Variants in ACAD11 observed in about 807,000 individuals in gnomAD.
The protein encoded by ACAD11 is acyl-Coenzyme A dehydrogenase family, member 11.
A neutral mutation model predicts 102.2 loss-of-function variants in ACAD11; 83 were observed. The observed-to-expected ratio is 0.81, with a 90% CI of 0.68 to 0.97. The LOEUF is 0.97. Ranked by LOEUF, ACAD11 falls within the 50% of genes least tolerant of loss-of-function variation. The pLI is 0.00. For synonymous variants in ACAD11, 324 were observed against 319.8 expected, an observed-to-expected ratio of 1.01 and a Z score of -0.14; for missense variants, 901 against 951.7, an observed-to-expected ratio of 0.95 and a Z score of 0.70.
chr3:132,619,471 G>T lies in ACAD11; in HGVS notation c.1272C>A (p.Leu424=). Reference sequence around the variant, plus strand: ...CTAGCGTTAAAGATTTTCTTACCTTGAGTTTATCAATCACTAAAGGTTTTC... The same window carrying T: ...CTAGCGTTAAAGATTTTCTTACCTTTAGTTTATCAATCACTAAAGGTTTTC... The part of the protein sequence containing the change: ...KWGKPLVIDK[L]KEMAKVEGLW... Residue 424 remains leucine (L), a synonymous_variant, in exon 10 of 20, where the codon CTC becomes CTA. Transcript: ENST00000264990. 1.3e-6 allele frequency: 2 copies of T among 1,575,998 alleles called. No individual in the cohort carries two copies. Among genetic ancestry groups the T allele is most frequent in the South Asian group, 1.2e-5 (1 of 83,582 alleles).
chr3:132,643,611 G>C (rs1189984180), intron 2 of ACAD11, among the ~76,000 whole-genome samples: 2 of 152,124 alleles, frequency 1.3e-5, no homozygotes, highest in African/African-American at 4.8e-5. Context: ...AAGTAAAGCA[G>C]GGGCTGTGGC....
At chr3:132,588,774 A>G (rs980028427) in intron 13 of ACAD11, among the ~76,000 whole-genome samples, 1 of 150,198 alleles carries the variant, frequency 6.7e-6, no homozygotes, top group African/African-American at 2.5e-5. Context: ...CTTAAATGTC[A>G]TATTCTTCAC....
rs1936960820 is a variant in ACAD11, at chr3:132,558,860, A to C, written c.*111T>G. ...GCTATAATCTTTACCACAAATGAAT[A>C]ATTAACCCTGTGCTCAAACTGCTAC... is the stretch of plus-strand genomic sequence containing the variant. On this transcript the variant is annotated 3_prime_UTR_variant, in exon 20 of 20. Transcript: ENST00000264990. The C allele has an allele frequency of 2.7e-6, 2 of 743,944 alleles. No individual in the cohort carries two copies. The highest frequency in any genetic ancestry group is 4.5e-6 in the Non-Finnish European group (2 of 445,308). The allele number at this position is 743,944 out of a possible 1,614,324, so 46.1% of individuals were successfully genotyped here.
chr3:132,596,776 T>C (rs1938327221), intron 13 of ACAD11, among the ~76,000 whole-genome samples: 1 of 152,188 alleles, frequency 6.6e-6, no homozygotes, highest in Non-Finnish European at 1.5e-5. Flanking sequence ...AGGAAGACTC[T>C]AGTAGTTTAA....
intron 11 of ACAD11, 25 bp downstream of exon 11, chr3:132,618,609 T>A (rs771999751): frequency 1.4e-5 from 22 of 1,521,120 alleles, no homozygotes; most frequent in South Asian, 4.0e-5. Flanking sequence ...TTAGAAAAAA[T>A]TATGTTTTCA....
chr3:132,619,340 T>C (rs1351243564), intron 10 of ACAD11, 128 bp downstream of exon 10: 7 of 562,730 alleles, frequency 1.2e-5, no homozygotes, highest in Non-Finnish European at 2.1e-5. Flanking sequence ...TTATTAACTT[T>C]CTTTTTTTAA....
chr3:132,609,207 C>T (rs1333948086), intron 11 of ACAD11, among the ~76,000 whole-genome samples: 4 of 152,246 alleles, frequency 2.6e-5, no homozygotes, highest in Non-Finnish European at 5.9e-5. Flanking sequence ...GTAAAATTGA[C>T]ACGCTAACAT....
Position 132,626,391 on chromosome 3 carries a change from CA to C in ACAD11, c.1197+299del, listed in dbSNP as rs796100994. On this transcript the variant is annotated intron_variant, in intron 9 of 19. Transcript: ENST00000264990. ...AAATTCTCAAAGGGGTCCATATTTA[CA>C]AAAAAAAAAAAGCTGAAACTTACTG... 3.3e-3 allele frequency among the ~76,000 whole-genome samples: 449 copies of C among 134,900 alleles called. 3 individuals carry two copies. The highest frequency in any genetic ancestry group is 5.9e-3 in the African/African-American group (219 of 36,972). The allele number at this position is 134,900 out of a possible 152,430, so 88.5% of individuals were successfully genotyped here. A position where few individuals can be genotyped will look rare whatever the true frequency, so the allele number is the denominator to read the frequency against.
rs986578394 is a variant in ACAD11, at chr3:132,578,842, T to C, written c.1728A>G (p.Thr576=). The change falls in exon 15 of 20, where the codon ACA becomes ACG. Residue 576 remains threonine, a synonymous_variant. Transcript: ENST00000264990. ...AAGGCCTTATTATTTTTACTCCAGG[T>C]GTGTTCATGGGAACAAGAATCATGC... ...QHSMILVPMN[T]PGVKIIRPLS... 8.1e-6 allele frequency: 13 copies of C among 1,613,112 alleles called. No individual in the cohort carries two copies. The highest frequency in any genetic ancestry group is 1.1e-5 in the Non-Finnish European group (13 of 1,179,508).
At chr3:132,604,435 G>A (rs540932911) in intron 12 of ACAD11, among the ~76,000 whole-genome samples, 2 of 152,228 alleles carry the variant, frequency 1.3e-5, no homozygotes, top group South Asian at 4.1e-4. Flanking sequence ...TCAGATAAAA[G>A]AGGAGTACTG....
chr3:132,598,460 T>C (rs1938413229), intron 13 of ACAD11, among the ~76,000 whole-genome samples: 1 of 152,220 alleles, frequency 6.6e-6, no homozygotes, highest in African/African-American at 2.4e-5. Context: ...AACAAGATTT[T>C]ATTTACAAAC....
intron 13 of ACAD11, chr3:132,602,323 G>A (rs1938643702): frequency 1.2e-5 from 2 of 166,808 alleles, no homozygotes; most frequent in Admixed American, 1.3e-4. Flanking sequence ...CAAATGTTAG[G>A]TTTATCATAT....
intron 5 of ACAD11, 82 bp downstream of exon 5, chr3:132,639,410 C>A: frequency 7.2e-7 from 1 of 1,387,014 alleles, no homozygotes; most frequent in Non-Finnish European, 9.7e-7. Flanking sequence ...TGGGCTCCCT[C>A]AGTGCTCTGG....
chr3:132,608,849 C>A (rs1217205910), intron 11 of ACAD11, among the ~76,000 whole-genome samples: 6 of 152,158 alleles, frequency 3.9e-5, no homozygotes, highest in Admixed American at 3.9e-4. Flanking sequence ...TCCTTCTCAG[C>A]ACCACATTGC....
At chr3:132,651,653 C>T (rs998613924) in intron 1 of ACAD11, among the ~76,000 whole-genome samples, 74 of 152,314 alleles carry the variant, frequency 4.9e-4, no homozygotes, top group African/African-American at 1.7e-3. Context: ...CACCTCATAT[C>T]CCCCGACCAT....
chr3:132,644,926 ATTAC>A, intron 1 of ACAD11, 30 bp from the exon 2 acceptor site: 23 of 1,345,474 alleles, frequency 1.7e-5, no homozygotes, highest in Non-Finnish European at 1.9e-5. Context: ...AAAAAGGTCA[ATTAC>A]AAAGATATGT....
At chr3:132,612,077 TAC>T (rs1451314011) in intron 11 of ACAD11, among the ~76,000 whole-genome samples, 1 of 151,962 alleles carries the variant, frequency 6.6e-6, no homozygotes, top group Non-Finnish European at 1.5e-5. Flanking sequence ...GCCGCATATC[TAC>T]AACTATCTGA....
chr3:132,600,286 A>G, intron 13 of ACAD11: 1 of 980,080 alleles, frequency 1.0e-6, no homozygotes. Flanking sequence ...ATGTTACAGC[A>G]ACAGGCTATA....
chr3:132,619,552 GTAA>G lies in ACAD11; in HGVS notation c.1198-10_1198-8del. The G allele has an allele frequency of 6.5e-7, 1 of 1,531,980 alleles. No individual in the cohort carries two copies. Among genetic ancestry groups the G allele is most frequent in the Non-Finnish European group, 8.8e-7 (1 of 1,137,742 alleles). 94.9% of individuals were successfully genotyped at this position (1,531,980 alleles called of 1,614,324 possible). A position where few individuals can be genotyped will look rare whatever the true frequency, so the allele number is the denominator to read the frequency against. ...CATAGAACTCAGTTACCTCCTTAAA[GTAA>G]TAAAAGAAAAAAATTTCACTAGCTA... On this transcript the variant is annotated splice_polypyrimidine_tract_variant and splice_region_variant and intron_variant, in intron 9 of 19. Transcript: ENST00000264990.
Sources: allele counts gnomAD v4.1 joint callset (sites outside exome capture counted in the v4.1 genomes callset), GRCh38; gene constraint gnomAD v4.1.1; transcripts MANE v1.5; gene names NCBI Gene and HGNC (gene_info 2026-07-23, HGNC 2026-07-21).